Variants in PSD3 observed in about 807,000 individuals in gnomAD.
PSD3 encodes the protein pleckstrin and Sec7 domain containing 3, also known as PH and SEC7 domain-containing protein 3.
Under a neutral mutation model 105.5 loss-of-function variants are expected in PSD3, and 49 were observed. The observed-to-expected ratio is 0.46, with a 90% CI of 0.37 to 0.59. PSD3 has a LOEUF of 0.59. Among genes scored for constraint, PSD3 ranks in the 20% least tolerant of loss-of-function variants. The pLI, the probability that PSD3 is intolerant of heterozygous loss-of-function variation, is 0.00. For missense variants in PSD3, 1,561 were observed against 1,263.8 expected (o/e 1.24, Z -3.57); for synonymous variants, 557 against 457.8 (o/e 1.22, Z -2.77).
chr8:19,061,994 A>T (rs1166895749), intron 1 of PSD3, among the ~76,000 whole-genome samples: 1 of 152,180 alleles, frequency 6.6e-6, no homozygotes, highest in South Asian at 2.1e-4. Flanking sequence ...TGTACTGATT[A>T]TCTGTCTGGC....
chr8:18,693,888 G>C (rs576718605), intron 9 of PSD3, among the ~76,000 whole-genome samples: 21 of 152,222 alleles, frequency 1.4e-4, no homozygotes, highest in Non-Finnish European at 2.5e-4. Context: ...AGGAATCCTG[G>C]CTATTACAAC....
intron 8 of PSD3, among the ~76,000 whole-genome samples, chr8:18,770,243 T>G (rs1807390531): frequency 6.6e-6 from 1 of 152,206 alleles, no homozygotes; most frequent in Non-Finnish European, 1.5e-5. Flanking sequence ...CTTTTTTTCA[T>G]GTGCTAATTA....
upstream of PSD3, among the ~76,000 whole-genome samples, chr8:19,014,737 A>G (rs1827120952): frequency 6.6e-6 from 1 of 152,228 alleles, no homozygotes; most frequent in African/African-American, 2.4e-5. This position sits in a 1 kb window ranked among gnomAD's most constrained non-coding sequence, Gnocchi z 4.9. Flanking sequence ...GAGTGGAGTC[A>G]GGTTCCCTGG....
intron 12 of PSD3, among the ~76,000 whole-genome samples, chr8:18,589,687 C>T (rs868099716): frequency 5.3e-5 from 8 of 152,114 alleles, no homozygotes; most frequent in African/African-American, 1.9e-4. Flanking sequence ...GGGTGGCAGG[C>T]ACCAGATCCA....
intron 9 of PSD3, among the ~76,000 whole-genome samples, chr8:18,748,059 C>A (rs905510033): frequency 1.3e-5 from 2 of 152,058 alleles, no homozygotes; most frequent in African/African-American, 2.4e-5. Flanking sequence ...ATAAAACACC[C>A]CTTGGCTTTC....
intron 4 of PSD3, among the ~76,000 whole-genome samples, chr8:18,848,799 C>A (rs771064201): frequency 6.6e-6 from 1 of 152,122 alleles, no homozygotes; most frequent in African/African-American, 2.4e-5. Flanking sequence ...AATGCAGAGA[C>A]GGTGGGGATT....
chr8:19,037,499 A>G (rs939265477), intron 1 of PSD3, among the ~76,000 whole-genome samples: 2 of 152,242 alleles, frequency 1.3e-5, no homozygotes, highest in African/African-American at 4.8e-5. Context: ...CAAAGCTGGT[A>G]AAAAATTATT....
rs114149396 is a variant in PSD3, at chr8:18,586,416, A to C, written c.2482-11131T>G. On this transcript the variant is annotated intron_variant, in intron 12 of 15. Transcript: ENST00000327040. ...AGAAATGCGAATTGAATTATTCTTG[A>C]ATTGTTCTATATGGGTAAAAATCAT... is the stretch of plus-strand genomic sequence containing the variant. Among the ~76,000 whole-genome samples the C allele has an allele frequency of 4.1e-3, 621 of 152,246 alleles. 4 individuals are homozygous for C. Among genetic ancestry groups the C allele is most frequent in the African/African-American group, 0.014 (578 of 41,540 alleles).
At chr8:18,652,603 T>A (rs1220568709) in intron 10 of PSD3, among the ~76,000 whole-genome samples, 1 of 144,992 alleles carries the variant, frequency 6.9e-6, no homozygotes, top group Non-Finnish European at 1.5e-5. Flanking sequence ...GTTCAAGCAA[T>A]TCTCCCGCCT....
chr8:19,060,405 T>C (rs186478924), intron 1 of PSD3, among the ~76,000 whole-genome samples: 3 of 152,290 alleles, frequency 2.0e-5, no homozygotes, highest in Non-Finnish European at 4.4e-5. Flanking sequence ...CTATAGATCT[T>C]ATATATAGCT....
At chr8:18,995,486 G>A (rs901273192) in intron 1 of PSD3, among the ~76,000 whole-genome samples, 21 of 152,026 alleles carry the variant, frequency 1.4e-4, no homozygotes, top group Non-Finnish European at 4.4e-5. Context: ...CAATAATAGA[G>A]AAGTAGAGGA....
chr8:18,541,135 C>A (rs1800127703), intron 15 of PSD3, among the ~76,000 whole-genome samples: 1 of 148,250 alleles, frequency 6.7e-6, no homozygotes, highest in Non-Finnish European at 1.5e-5. Flanking sequence ...TTCTCCCCAT[C>A]TGTCAGCCTT....
chr8:18,773,031 G>A (rs768137678), intron 8 of PSD3, among the ~76,000 whole-genome samples: 2 of 152,080 alleles, frequency 1.3e-5, no homozygotes, highest in African/African-American at 2.4e-5. Context: ...TCAGTTTGAT[G>A]TAGTCCCATT....
chr8:18,694,719 T>A (rs1226947597), intron 9 of PSD3, among the ~76,000 whole-genome samples: 3 of 151,948 alleles, frequency 2.0e-5, no homozygotes, highest in African/African-American at 7.2e-5. Flanking sequence ...TTCACATGTG[T>A]AATCCTAGCA....
chr8:19,036,985 C>T (rs1409071011), intron 1 of PSD3, among the ~76,000 whole-genome samples: 2 of 152,230 alleles, frequency 1.3e-5, no homozygotes, highest in Non-Finnish European at 2.9e-5. Flanking sequence ...TTATTGTCTT[C>T]AGCATCCCCT....
intron 14 of PSD3, among the ~76,000 whole-genome samples, chr8:18,560,561 T>C (rs1034479633): frequency 6.6e-6 from 1 of 152,052 alleles, no homozygotes; most frequent in African/African-American, 2.4e-5. Flanking sequence ...TTTTAAAAAA[T>C]GAAATTGAAA....
intron 10 of PSD3, among the ~76,000 whole-genome samples, chr8:18,643,543 A>T (rs757091714): frequency 2.6e-5 from 4 of 152,230 alleles, no homozygotes; most frequent in Non-Finnish European, 4.4e-5. Flanking sequence ...ATCTACTTCA[A>T]ATACTATGGT....
intron 1 of PSD3, among the ~76,000 whole-genome samples, chr8:18,944,668 C>G (rs1014302339): frequency 1.3e-5 from 2 of 152,098 alleles, no homozygotes; most frequent in Non-Finnish European, 2.9e-5. Flanking sequence ...AATTATTACG[C>G]TGTGGAAAGG....
chr8:19,038,937 T>A (rs1828035017), intron 1 of PSD3, among the ~76,000 whole-genome samples: 1 of 152,212 alleles, frequency 6.6e-6, no homozygotes, highest in African/African-American at 2.4e-5. Context: ...AGATTTAAAA[T>A]CTTGCCCAAG....
Sources: allele counts gnomAD v4.1 joint callset (sites outside exome capture counted in the v4.1 genomes callset), GRCh38; gene constraint gnomAD v4.1.1; non-coding constraint Gnocchi (gnomAD v3.1); transcripts MANE v1.5; gene names NCBI Gene and HGNC (gene_info 2026-07-23, HGNC 2026-07-21).